ANKRD11: variants seen among roughly 807,000 people sequenced by gnomAD.
ANKRD11 encodes ankyrin repeat domain 11, also known as ankyrin repeat domain-containing protein 11.
ANKRD11 carries 17 observed loss-of-function variants against 195.7 expected under a neutral mutation model. The ratio of observed to expected loss-of-function variants is 0.09; its 90% CI spans 0.06 to 0.13. ANKRD11 has a LOEUF of 0.13. Among genes scored for constraint, ANKRD11 ranks in the 10% least tolerant of loss-of-function variants. The probability of loss-of-function intolerance (pLI) is 1.00; values close to 1 mark genes in which losing one functional copy is unlikely to be tolerated. For missense variants in ANKRD11, 3,735 were observed against 3,566.1 expected, an observed-to-expected ratio of 1.05 and a Z score of -1.21; for synonymous variants, 1,953 against 1,528.1, an observed-to-expected ratio of 1.28 and a Z score of -6.49.
intron 7 of ANKRD11, chr16:89,286,918 G>C (rs754013067): frequency 1.6e-6 from 2 of 1,289,600 alleles, no homozygotes; most frequent in African/African-American, 1.5e-5. Context: ...CTGTCATAAC[G>C]TTTACTATAG....
chr16:89,316,146 C>A (rs566513324), intron 3 of ANKRD11, among the ~76,000 whole-genome samples: 1 of 152,172 alleles, frequency 6.6e-6, no homozygotes, highest in Admixed American at 6.5e-5. Context: ...ACATCCTGCA[C>A]AGCAAGGCCC....
At chr16:89,475,761 T>C (rs914603685) in intron 1 of ANKRD11, among the ~76,000 whole-genome samples, 5 of 152,214 alleles carry the variant, frequency 3.3e-5, no homozygotes, top group South Asian at 2.1e-4. Flanking sequence ...CGAAAACAAC[T>C]GACCCCGGCC....
intron 1 of ANKRD11, among the ~76,000 whole-genome samples, chr16:89,448,903 T>C (rs2152310943): frequency 6.6e-6 from 1 of 152,192 alleles, no homozygotes; most frequent in East Asian, 1.9e-4. Flanking sequence ...AGCAAAGCAG[T>C]GCCCCGGACC....
chr16:89,327,199 C>A (rs1196380554), intron 2 of ANKRD11, among the ~76,000 whole-genome samples: 1 of 152,104 alleles, frequency 6.6e-6, no homozygotes, highest in Non-Finnish European at 1.5e-5. Flanking sequence ...ACCCAGCATG[C>A]CAACAAGCTA....
chr16:89,307,062 G>A (rs1195917480), intron 3 of ANKRD11, among the ~76,000 whole-genome samples: 1 of 151,502 alleles, frequency 6.6e-6, no homozygotes, highest in South Asian at 2.1e-4. Flanking sequence ...GAGGGGGACA[G>A]TGCGACACAC....
intron 2 of ANKRD11, among the ~76,000 whole-genome samples, chr16:89,319,339 T>C (rs554752435): frequency 1.3e-5 from 2 of 152,302 alleles, no homozygotes; most frequent in East Asian, 1.9e-4. Context: ...CCTTCCCCAA[T>C]GGACCAGGGA....
At chr16:89,273,097 A>G (rs958232881) in intron 11 of ANKRD11, 4 of 151,740 alleles carry the variant, frequency 2.6e-5, no homozygotes, top group Non-Finnish European at 5.9e-5. Context: ...ATCTGACAGC[A>G]CAATAGGGTA....
Position 89,280,454 on chromosome 16 carries a change from C to A in ANKRD11, c.6088G>T (p.Ala2030Ser), listed in dbSNP as rs747661700. ...ASPAPYALPV[A>S]EPGLEDVKDG... The stretch of plus-strand genomic sequence containing the variant: ...TTGACGTCCTCCAGCCCCGGCTCAG[C>A]GACGGGCAGAGCGTACGGGGCAGGA... The change falls in exon 9 of 13, where the codon GCT (alanine) becomes TCT (serine). Residue 2030 changes from alanine (A) to serine (S), a missense_variant. Ala to Ser is a moderately conservative substitution (Grantham distance 99). Coordinates refer to ENST00000301030, the MANE Select transcript of ANKRD11 (RefSeq NM_013275.6). 6.3e-7 allele frequency: 1 copy of A among 1,589,606 alleles called. No individual in the cohort carries two copies. The highest frequency in any genetic ancestry group is 1.7e-5 in the Admixed American group (1 of 57,544).
chr16:89,342,400 C>G (rs1461955623), intron 2 of ANKRD11, among the ~76,000 whole-genome samples: 5 of 152,232 alleles, frequency 3.3e-5, no homozygotes, highest in Admixed American at 2.6e-4. Context: ...CTTGGGAAGA[C>G]AGCATTCGGT....
intron 3 of ANKRD11, chr16:89,313,729 G>T: frequency 1.8e-6 from 1 of 570,680 alleles, no homozygotes; most frequent in African/African-American, 2.0e-5. Flanking sequence ...TGGCACTTGG[G>T]GCTCACTTCC....
intron 1 of ANKRD11, among the ~76,000 whole-genome samples, chr16:89,437,432 T>A (rs2043261166): frequency 6.6e-6 from 1 of 152,008 alleles, no homozygotes; most frequent in South Asian, 2.1e-4. Flanking sequence ...TCCACACCCC[T>A]ACTTCCTCTC....
rs1294678683 is a variant in ANKRD11 at position 89,285,088 on chromosome 16, G to A, written c.1454C>T (p.Ser485Phe). Residue 485 changes from serine (S) to phenylalanine (F), a missense_variant, in exon 9 of 13, where the codon TCC becomes TTC. By Grantham distance (155) the Ser-to-Phe change is radical. Transcript: ENST00000301030. This position sits in a 1 kb window ranked among gnomAD's most constrained non-coding sequence, Gnocchi z 5.6. The stretch of plus-strand genomic sequence containing the variant: ...CCTGTCATCCTCCCCACTCTCTGAG[G>A]ACTCGCTCTCCGACTCCGAGGAGCA... ...KFCSSESESE[S>F]SESGEDDRDS... 5.6e-6 allele frequency: 9 copies of A among 1,613,704 alleles called. No homozygotes were observed. Among genetic ancestry groups the A allele is most frequent in the Non-Finnish European group, 7.6e-6 (9 of 1,180,042 alleles).
At chr16:89,406,384 C>G (rs1036062116) in intron 2 of ANKRD11, among the ~76,000 whole-genome samples, 1 of 152,146 alleles carries the variant, frequency 6.6e-6, no homozygotes, top group Non-Finnish European at 1.5e-5. Context: ...CTGAGGGCGA[C>G]AAAACACCAG....
intron 2 of ANKRD11, among the ~76,000 whole-genome samples, chr16:89,320,756 C>T (rs2037266004): frequency 6.6e-6 from 1 of 152,260 alleles, no homozygotes; most frequent in Non-Finnish European, 1.5e-5. Context: ...CTCAGCCCAG[C>T]GGAGTGGACA....
In ANKRD11 at chr16:89,404,921, G is replaced by A. The variant is rs556349639; in HGVS notation, c.-60+13363C>T. ...CTTTCCTTTACAGTAAAGTGAACTC[G>A]TGGACAAACATCGTGTCCACAGACC... On this transcript the variant is annotated intron_variant, in intron 2 of 12. Transcript: ENST00000301030. Among the ~76,000 whole-genome samples the A allele has an allele frequency of 5.9e-5, 9 of 152,308 alleles. No individual in the cohort carries two copies. In the South Asian group the frequency reaches 1.4e-3, roughly 25 times the overall value.
chr16:89,347,019 G>T (rs1341314104), intron 2 of ANKRD11, among the ~76,000 whole-genome samples: 1 of 152,190 alleles, frequency 6.6e-6, no homozygotes, highest in Non-Finnish European at 1.5e-5. Context: ...AATCCCCAAG[G>T]TTGGTCAGTA....
At chr16:89,363,695 C>G (rs1004814323) in intron 2 of ANKRD11, among the ~76,000 whole-genome samples, 1 of 152,134 alleles carries the variant, frequency 6.6e-6, no homozygotes, top group African/African-American at 2.4e-5. Context: ...GTGGCCCAGG[C>G]CCCTGTGAAA....
chr16:89,404,143 C>G (rs2152178460), intron 2 of ANKRD11, among the ~76,000 whole-genome samples: 1 of 152,310 alleles, frequency 6.6e-6, no homozygotes, highest in Middle Eastern at 3.4e-3. Context: ...TCAGCACCAA[C>G]AGACAGTCAT....
intron 1 of ANKRD11, among the ~76,000 whole-genome samples, chr16:89,425,827 C>T (rs1682981683): frequency 1.3e-5 from 2 of 152,162 alleles, no homozygotes; most frequent in African/African-American, 4.8e-5. Flanking sequence ...TGAGGAGGAA[C>T]TAGAAGGAAA....
Sources: allele counts gnomAD v4.1 joint callset (sites outside exome capture counted in the v4.1 genomes callset), GRCh38; gene constraint gnomAD v4.1.1; non-coding constraint Gnocchi (gnomAD v3.1); transcripts MANE v1.5; gene names NCBI Gene and HGNC (gene_info 2026-07-23, HGNC 2026-07-21).